RAB8B: variants seen among roughly 807,000 people sequenced by gnomAD.
RAB8B encodes the protein ras-related protein Rab-8B.
A neutral mutation model predicts 32.0 loss-of-function variants in RAB8B; 11 were observed. The observed-to-expected ratio is 0.34, with a 90% CI of 0.22 to 0.57. The LOEUF (loss-of-function observed/expected upper bound fraction) is 0.57. Ranked by LOEUF, RAB8B falls within the 20% of genes least tolerant of loss-of-function variation. The pLI is 0.86. For missense variants in RAB8B, 190 were observed against 258.5 expected, an observed-to-expected ratio of 0.73 and a Z score of 1.82; for synonymous variants, 103 against 89.6, an observed-to-expected ratio of 1.15 and a Z score of -0.85.
At chr15:63,204,053 A>G (rs760040940) in intron 1 of RAB8B, among the ~76,000 whole-genome samples, 2 of 151,962 alleles carry the variant, frequency 1.3e-5, no homozygotes, top group African/African-American at 2.4e-5. Flanking sequence ...CACAGGGCCT[A>G]TCACGCAGTC....
At chr15:63,234,338 T>C (rs2037960285) in intron 1 of RAB8B, among the ~76,000 whole-genome samples, 2 of 152,200 alleles carry the variant, frequency 1.3e-5, no homozygotes, top group South Asian at 4.1e-4. Context: ...CTCCCTATTC[T>C]CTTGAAACAG....
At chr15:63,220,837 A>G (rs1009942056) in intron 1 of RAB8B, among the ~76,000 whole-genome samples, 3 of 152,068 alleles carry the variant, frequency 2.0e-5, no homozygotes, top group African/African-American at 7.2e-5. Flanking sequence ...GCTTTTTTTT[A>G]AAAAGGGTTT....
chr15:63,232,589 G>A, intron 1 of RAB8B, among the ~76,000 whole-genome samples: 1 of 152,276 alleles, frequency 6.6e-6, no homozygotes, highest in Non-Finnish European at 1.5e-5. Context: ...GTGGTAATGT[G>A]TGTCACTGTT....
chr15:63,231,818 T>A (rs2037939193), intron 1 of RAB8B, among the ~76,000 whole-genome samples: 1 of 152,192 alleles, frequency 6.6e-6, no homozygotes, highest in Non-Finnish European at 1.5e-5. Context: ...GTTCACCAGT[T>A]AGCCCCTTTA....
intron 1 of RAB8B, among the ~76,000 whole-genome samples, chr15:63,220,088 C>A (rs1321792441): frequency 6.6e-6 from 1 of 152,178 alleles, no homozygotes; most frequent in African/African-American, 2.4e-5. Context: ...TATTTCCCCC[C>A]ACTTCAGTGT....
chr15:63,214,659 C>T (rs1448163873), intron 1 of RAB8B, among the ~76,000 whole-genome samples: 1 of 152,122 alleles, frequency 6.6e-6, no homozygotes, highest in Non-Finnish European at 1.5e-5. Context: ...CTTCACAAAG[C>T]TTTTCCATCT....
At chr15:63,219,812 G>A (rs1015375825) in intron 1 of RAB8B, among the ~76,000 whole-genome samples, 1 of 152,162 alleles carries the variant, frequency 6.6e-6, no homozygotes, top group African/African-American at 2.4e-5. Context: ...ATTGATGGAA[G>A]GCTTCCACTG....
intron 1 of RAB8B, among the ~76,000 whole-genome samples, chr15:63,198,680 G>A (rs1354958146): frequency 6.6e-6 from 1 of 152,058 alleles, no homozygotes; most frequent in Admixed American, 6.5e-5. Flanking sequence ...AGAACTTGGC[G>A]GTAATTATTT....
At chr15:63,212,366 G>A (rs2037754972) in intron 1 of RAB8B, among the ~76,000 whole-genome samples, 1 of 152,124 alleles carries the variant, frequency 6.6e-6, no homozygotes, top group Admixed American at 6.5e-5. Context: ...ACATTTTTCT[G>A]TTTCAGTTCA....
intron 1 of RAB8B, among the ~76,000 whole-genome samples, chr15:63,221,621 C>T (rs1184314740): frequency 6.6e-6 from 1 of 152,094 alleles, no homozygotes; most frequent in Non-Finnish European, 1.5e-5. Context: ...ATAAGACAGT[C>T]CTGGCCAGGG....
chr15:63,233,233 A>AT (rs998034694), intron 1 of RAB8B, among the ~76,000 whole-genome samples: 167 of 142,826 alleles, frequency 1.2e-3, no homozygotes, highest in Middle Eastern at 3.6e-3. Flanking sequence ...CTAATTTTTA[A>AT]TTTTTTTTTT....
chr15:63,213,118 T>C (rs886939199), intron 1 of RAB8B, among the ~76,000 whole-genome samples: 6 of 152,206 alleles, frequency 3.9e-5, no homozygotes, highest in South Asian at 2.1e-4. Context: ...CTGACTATTC[T>C]CTTTTCAGAA....
chr15:63,234,023 A>G (rs1217651206), intron 1 of RAB8B, among the ~76,000 whole-genome samples: 2 of 152,166 alleles, frequency 1.3e-5, no homozygotes, highest in African/African-American at 2.4e-5. Flanking sequence ...GTCTTTTAAA[A>G]GAAATTCAGT....
At chr15:63,207,951 C>T (rs2037712722) in intron 1 of RAB8B, among the ~76,000 whole-genome samples, 1 of 136,560 alleles carries the variant, frequency 7.3e-6, no homozygotes, top group African/African-American at 2.4e-5. Context: ...CAATACCTCT[C>T]TCCTGGACTT....
In RAB8B at chr15:63,264,698, A is replaced by G. The variant is rs540797078; in HGVS notation, c.*1079A>G. Reference sequence around the variant, plus strand: ...AATTTAATAGAGCTAGCTCTTGGTAATGGTGAAAATAATGAGTTTTGGTTG... The same window carrying G: ...AATTTAATAGAGCTAGCTCTTGGTAGTGGTGAAAATAATGAGTTTTGGTTG... On this transcript the variant is annotated 3_prime_UTR_variant, in exon 8 of 8. Transcript: ENST00000321437. 1.1e-4 allele frequency: 16 copies of G among 152,344 alleles called. No homozygotes were observed. Among genetic ancestry groups the G allele is most frequent in the African/African-American group, 3.8e-4 (16 of 41,584 alleles). 9.4% of individuals were successfully genotyped at this position (152,344 alleles called of 1,614,324 possible).
chr15:63,241,931 G>A (rs535713151), intron 1 of RAB8B, among the ~76,000 whole-genome samples: 44 of 152,064 alleles, frequency 2.9e-4, no homozygotes, highest in African/African-American at 1.1e-3. Flanking sequence ...ATGCTGAGTT[G>A]CTGAGTTTTG....
rs771050392 is a variant in RAB8B, at chr15:63,244,755, G to A, written c.125-1G>A. 6.4e-7 allele frequency: 1 copy of A among 1,566,000 alleles called. No individual in the cohort carries two copies. The highest frequency in any genetic ancestry group is 1.4e-5 in the African/African-American group (1 of 73,656). ...CATATCTTTCTTTGTTTTTCTGGCAGGAATTGATTTTAAAATTAGAACGAT... is the reference window on the plus strand; with the variant it reads ...CATATCTTTCTTTGTTTTTCTGGCAAGAATTGATTTTAAAATTAGAACGAT... On this transcript the variant is annotated splice_acceptor_variant, in intron 1 of 7. Transcript: ENST00000321437. LOFTEE classifies it high-confidence loss of function.
chr15:63,206,590 C>T (rs1308984975), intron 1 of RAB8B, among the ~76,000 whole-genome samples: 2 of 152,082 alleles, frequency 1.3e-5, no homozygotes, highest in Non-Finnish European at 2.9e-5. Flanking sequence ...TAATACCTTC[C>T]CACTCTCCTG....
intron 1 of RAB8B, among the ~76,000 whole-genome samples, chr15:63,222,829 C>T (rs936395782): frequency 3.9e-5 from 6 of 152,196 alleles, no homozygotes; most frequent in Non-Finnish European, 7.3e-5. Context: ...GTGTGAGCCA[C>T]CATGCCCGGC....
Sources: gnomAD v4.1 joint callset for allele counts (sites outside exome capture counted in the v4.1 genomes callset) on GRCh38, gnomAD v4.1.1 for gene constraint, MANE v1.5 for transcripts, NCBI Gene and HGNC (gene_info 2026-07-23, HGNC 2026-07-21) for gene names.